Variants in SRL observed in about 807,000 individuals in gnomAD.
The protein encoded by SRL is sarcalumenin.
SRL carries 23 observed loss-of-function variants against 39.5 expected under a neutral mutation model. The observed-to-expected ratio is 0.58, with a 90% CI of 0.42 to 0.82. The LOEUF is 0.82. SRL is among the 40% of genes least tolerant of loss of function. The pLI, the probability that SRL is intolerant of heterozygous loss-of-function variation, is 0.00. For missense variants in SRL, 592 were observed against 607.8 expected (o/e 0.97, Z 0.27); for synonymous variants, 272 against 237.4 (o/e 1.15, Z -1.34).
chr16:4,240,520 CA>C (rs1338344324), intron 1 of SRL, among the ~76,000 whole-genome samples: 2 of 152,226 alleles, frequency 1.3e-5, no homozygotes, highest in East Asian at 1.9e-4. Context: ...GAGGTTGGGC[CA>C]GGGGCAGACG....
intron 1 of SRL, among the ~76,000 whole-genome samples, chr16:4,219,214 A>G (rs1192849956): frequency 6.6e-6 from 1 of 152,246 alleles, no homozygotes; most frequent in Non-Finnish European, 1.5e-5. Flanking sequence ...ACAAAGCTAG[A>G]ACTAGAGACA....
At chr16:4,202,119 C>T (rs962352737) in intron 3 of SRL, among the ~76,000 whole-genome samples, 1 of 152,192 alleles carries the variant, frequency 6.6e-6, no homozygotes, top group Non-Finnish European at 1.5e-5. Flanking sequence ...CGTGGTCACG[C>T]AGGGGAGGAG....
intron 1 of SRL, among the ~76,000 whole-genome samples, chr16:4,213,879 G>A (rs936180119): frequency 6.6e-6 from 1 of 152,170 alleles, no homozygotes; most frequent in Admixed American, 6.5e-5. Flanking sequence ...CTTGAAATGA[G>A]GAAACAAACA....
chr16:4,208,484 C>T (rs539707479), intron 1 of SRL, among the ~76,000 whole-genome samples: 2 of 152,302 alleles, frequency 1.3e-5, no homozygotes, highest in East Asian at 3.9e-4. Flanking sequence ...CTTCCAGTCC[C>T]TCAACCTTGC....
At chr16:4,234,080 G>A (rs560937253) in intron 1 of SRL, among the ~76,000 whole-genome samples, 6 of 151,912 alleles carry the variant, frequency 3.9e-5, no homozygotes, top group South Asian at 2.1e-4. Flanking sequence ...CTGCAACTTC[G>A]ACCTCCTAGG....
At chr16:4,206,811 A>G (rs766437674) in intron 1 of SRL, 2 of 456,356 alleles carry the variant, frequency 4.4e-6, no homozygotes, top group South Asian at 1.5e-5. Flanking sequence ...CTCACTGCCC[A>G]TGGACTCTGT....
intron 1 of SRL, among the ~76,000 whole-genome samples, chr16:4,219,767 G>A (rs1435837336): frequency 6.6e-6 from 1 of 152,084 alleles, no homozygotes; most frequent in African/African-American, 2.4e-5. Context: ...GGCCTGTATG[G>A]AGATTTTAGG....
chr16:4,239,254 G>A (rs950806020), intron 1 of SRL, among the ~76,000 whole-genome samples: 5 of 152,160 alleles, frequency 3.3e-5, no homozygotes, highest in African/African-American at 9.7e-5. Flanking sequence ...CTCACATGGC[G>A]GGCACTGAGC....
At position 4,192,255 on chromosome 16, in the gene SRL, C is replaced by G. The variant is rs115413384; in HGVS notation, c.1320G>C (p.Pro440=). Residue 440 remains proline (P), a synonymous_variant, in exon 6 of 6, where the codon CCG becomes CCC. Coordinates refer to ENST00000399609, the MANE Select transcript of SRL (RefSeq NM_001098814.2). This position sits in a 1 kb window ranked among gnomAD's most constrained non-coding sequence, Gnocchi z 4.0. ...KIERAITQEL[P]GLLGSLGLGK... ...CGAGCCCGAGGCTACCCAGGAGGCC[C>G]GGAAGCTCCTGAGTGATGGCCCGCT... 5.0e-6 allele frequency: 8 copies of G among 1,613,852 alleles called. No homozygotes were observed. The highest frequency in any genetic ancestry group is 4.0e-5 in the African/African-American group (3 of 75,012).
At chr16:4,227,157 G>A (rs2052602060) in intron 1 of SRL, among the ~76,000 whole-genome samples, 1 of 151,874 alleles carries the variant, frequency 6.6e-6, no homozygotes, top group Non-Finnish European at 1.5e-5. Flanking sequence ...ATGGATGGTG[G>A]ATGAATGGAA....
intron 1 of SRL, among the ~76,000 whole-genome samples, chr16:4,239,437 C>A (rs1425948446): frequency 6.6e-6 from 1 of 152,222 alleles, no homozygotes; most frequent in Non-Finnish European, 1.5e-5. Context: ...ACAAGAGGGA[C>A]AACAGGAAGC....
At chr16:4,203,703 A>T (rs1207918691) in intron 2 of SRL, among the ~76,000 whole-genome samples, 1 of 151,642 alleles carries the variant, frequency 6.6e-6, no homozygotes, top group Admixed American at 6.6e-5. Flanking sequence ...GTTTTTTTTT[A>T]AAACCTCTCT....
Position 4,206,747 on chromosome 16 carries a change from C to A in SRL, c.62-2113G>T, listed in dbSNP as rs2052323631. 9.8e-6 allele frequency: 4 copies of A among 407,494 alleles called. No homozygotes were observed. In the Admixed American group the frequency reaches 1.0e-4, roughly 10 times the overall value. The allele number at this position is 407,494 out of a possible 1,614,324, so 25.2% of individuals were successfully genotyped here. On this transcript the variant is annotated intron_variant, in intron 1 of 5. Transcript: ENST00000399609. ...CCTACCCTGGGCAACAATGATGGGA[C>A]TCTCCCTCCCCCTGATGTCCCTCCT...
At chr16:4,208,814 G>A (rs2052358032) in intron 1 of SRL, among the ~76,000 whole-genome samples, 3 of 152,098 alleles carry the variant, frequency 2.0e-5, no homozygotes, top group Admixed American at 6.6e-5. Context: ...AAAACAGGCC[G>A]GGCCTGGCTT....
intron 1 of SRL, among the ~76,000 whole-genome samples, chr16:4,234,237 T>C (rs943303628): frequency 5.9e-5 from 9 of 152,190 alleles, no homozygotes; most frequent in Non-Finnish European, 1.5e-5. Context: ...CAAGCAATCC[T>C]GCCGCCTTAG....
At chr16:4,202,944 G>T (rs563113820) in intron 3 of SRL, among the ~76,000 whole-genome samples, 1 of 152,286 alleles carries the variant, frequency 6.6e-6, no homozygotes, top group African/African-American at 2.4e-5. Flanking sequence ...GTAAAGCATC[G>T]CGCTGTGCTG....
At chr16:4,206,132 C>T (rs549470441) in intron 1 of SRL, among the ~76,000 whole-genome samples, 4 of 152,252 alleles carry the variant, frequency 2.6e-5, no homozygotes, top group Admixed American at 6.5e-5. Context: ...TCACACTGCC[C>T]GAGAGCTTAG....
intron 2 of SRL, 113 bp downstream of exon 2, chr16:4,204,420 G>GCCTCTAAGATACAGCCCCGT: frequency 1.0e-6 from 1 of 952,910 alleles, no homozygotes; most frequent in Non-Finnish European, 1.6e-6. Context: ...TACAGCCCCG[G>GCCTCTAAGATACAGCCCCGT]CCTCCAAGAT....
At position 4,192,874 on chromosome 16, in the gene SRL, A is replaced by G; in HGVS notation, c.701T>C (p.Leu234Pro). ...VFDPTKLDVG[L>P]ELEMLFRQLK... ...CTGGCGGAAGAGCATCTCCAGCTCTAGACCCACATCCAGCTTTGTTGGGTC... is the reference window on the plus strand; with the variant it reads ...CTGGCGGAAGAGCATCTCCAGCTCTGGACCCACATCCAGCTTTGTTGGGTC... The change falls in exon 6 of 6, where the codon CTA becomes CCA. Residue 234 changes from leucine (L) to proline (P), a missense_variant. By Grantham distance (98) the Leu-to-Pro change is moderately conservative. Transcript: ENST00000399609. The surrounding 1 kb of genome is among the most constrained non-coding windows in gnomAD (Gnocchi z 4.0). 1 of 1,614,196 alleles carries G rather than the reference A, an allele frequency of 6.2e-7. No homozygotes were observed. Among genetic ancestry groups the G allele is most frequent in the South Asian group, 1.1e-5 (1 of 91,082 alleles).
Sources: gnomAD v4.1 joint callset for allele counts (sites outside exome capture counted in the v4.1 genomes callset) on GRCh38, gnomAD v4.1.1 for gene constraint, Gnocchi (gnomAD v3.1) non-coding constraint, MANE v1.5 for transcripts, NCBI Gene and HGNC (gene_info 2026-07-23, HGNC 2026-07-21) for gene names.